Variants in UGGT1 observed in about 807,000 individuals in gnomAD.
UGGT1 encodes the protein UDP-glucose:glycoprotein glucosyltransferase 1.
In UGGT1, 107 loss-of-function variants were observed where a neutral mutation model predicts 203.9. The observed-to-expected ratio is 0.52, with a 90% confidence interval of 0.45 to 0.62. The LOEUF is 0.62. UGGT1 is among the 20% of genes least tolerant of loss of function. The pLI, the probability that UGGT1 is intolerant of heterozygous loss-of-function variation, is 0.00. For missense variants in UGGT1, 1,673 were observed against 1,867.2 expected, an observed-to-expected ratio of 0.90 and a Z score of 1.92; for synonymous variants, 628 against 653.5, an observed-to-expected ratio of 0.96 and a Z score of 0.59.
chr2:128,136,725 C>T (rs367683856), intron 15 of UGGT1, among the ~76,000 whole-genome samples: 8 of 152,132 alleles, frequency 5.3e-5, no homozygotes, highest in Non-Finnish European at 8.8e-5. Flanking sequence ...GGGTAAATAC[C>T]GAGGAGCGTG....
intron 19 of UGGT1, among the ~76,000 whole-genome samples, chr2:128,154,792 C>T (rs1383232637): frequency 6.6e-6 from 1 of 152,188 alleles, no homozygotes; most frequent in East Asian, 1.9e-4. Context: ...GATGAGAAGA[C>T]TGACATTTGT....
chr2:128,129,433 C>T (rs545940651), intron 13 of UGGT1, among the ~76,000 whole-genome samples: 4 of 142,198 alleles, frequency 2.8e-5, no homozygotes, highest in Admixed American at 1.5e-4. Context: ...GAGTCTTGCT[C>T]TGTTGTCCAG....
At chr2:128,126,197 C>T (rs1266208070) in intron 11 of UGGT1, among the ~76,000 whole-genome samples, 1 of 151,422 alleles carries the variant, frequency 6.6e-6, no homozygotes, top group Non-Finnish European at 1.5e-5. Flanking sequence ...CTGCCTTGGC[C>T]TCCCAAAGTG....
At chr2:128,148,668 C>G (rs1573573748) in intron 18 of UGGT1, among the ~76,000 whole-genome samples, 2 of 152,160 alleles carry the variant, frequency 1.3e-5, no homozygotes, top group Non-Finnish European at 2.9e-5. Flanking sequence ...CATTCACGTA[C>G]CCCTGGGCAT....
At chr2:128,091,601 C>G (rs751853094) in intron 1 of UGGT1, 186 bp downstream of exon 1, 7 of 1,436,404 alleles carry the variant, frequency 4.9e-6, no homozygotes, top group Non-Finnish European at 6.4e-6. Context: ...GGCAAGGTAT[C>G]GCTTCCGCGG....
chr2:128,134,357 A>G (rs1689030626), intron 14 of UGGT1, among the ~76,000 whole-genome samples: 1 of 152,190 alleles, frequency 6.6e-6, no homozygotes, highest in African/African-American at 2.4e-5. Context: ...TCTTGAAACC[A>G]CTTCTTTCCT....
At chr2:128,103,329 G>A (rs758833558) in intron 2 of UGGT1, among the ~76,000 whole-genome samples, 7 of 152,070 alleles carry the variant, frequency 4.6e-5, no homozygotes, top group Non-Finnish European at 7.4e-5. Context: ...TATTTTAGTA[G>A]GATAAAGTCG....
At chr2:128,167,460 A>G (rs1352911072) in intron 26 of UGGT1, among the ~76,000 whole-genome samples, 1 of 152,178 alleles carries the variant, frequency 6.6e-6, no homozygotes. Flanking sequence ...TTGCCCTCAA[A>G]GTGTGGTCCA....
Position 128,096,354 on chromosome 2 carries a change from A to G in UGGT1, c.59-1075A>G, listed in dbSNP as rs111317192. Among the ~76,000 whole-genome samples, 432 of 152,354 alleles carry G rather than the reference A, an allele frequency of 2.8e-3. 3 individuals carry two copies. Among genetic ancestry groups the G allele is most frequent in the Non-Finnish European group, 4.6e-3 (312 of 68,032 alleles). ...AGTATCACAAACTGGGTGGCTTAGA[A>G]CAATAGATATTTACTGTCTCACAGT... On this transcript the variant is annotated intron_variant, in intron 1 of 40. Transcript: ENST00000259253.
chr2:128,168,828 C>G (rs1690930157), intron 26 of UGGT1, among the ~76,000 whole-genome samples: 1 of 152,102 alleles, frequency 6.6e-6, no homozygotes, highest in Non-Finnish European at 1.5e-5. Context: ...AGGCAGATCA[C>G]TTGAGGCCAG....
Position 128,143,274 on chromosome 2 carries a change from C to CT in UGGT1, c.1851+51dup, listed in dbSNP as rs1689528678. The CT allele has an allele frequency of 2.6e-6, 4 of 1,551,852 alleles. No homozygotes were observed. In the Admixed American group the frequency reaches 7.7e-5, roughly 30 times the overall value. ...TATTTGATTGCAACATTGTACTGTCCTTAACCCCGTGTTTGGGGGCTTTGG... is the reference window on the plus strand; with the variant it reads ...TATTTGATTGCAACATTGTACTGTCCTTTAACCCCGTGTTTGGGGGCTTTGG... On this transcript the variant is annotated intron_variant, in intron 17 of 40. Transcript: ENST00000259253.
intron 1 of UGGT1, among the ~76,000 whole-genome samples, chr2:128,092,570 A>G (rs1188386592): frequency 6.6e-6 from 1 of 150,652 alleles, no homozygotes; most frequent in Non-Finnish European, 1.5e-5. Flanking sequence ...CCCTGTAACA[A>G]TACAAGATGA....
Position 128,159,650 on chromosome 2 carries a change from C to G in UGGT1, c.2492C>G (p.Thr831Ser). The change falls in exon 23 of 41, where the codon ACC becomes AGC. Residue 831 changes from threonine (T) to serine (S), a missense_variant. This residue lies in a region of UGGT1 where 1,073 missense variants were observed against 1,078.7 expected (regional missense o/e 0.99). Coordinates refer to ENST00000259253, the MANE Select transcript of UGGT1 (RefSeq NM_020120.4). ...TCCAACGCTGCTAAGAACTTCATCA[C>G]CAAAATGGCCAAGGAGGGGGCTGCA... is the stretch of plus-strand genomic sequence containing the variant. ...QTSNAAKNFI[T>S]KMAKEGAAEA... 1 of 1,614,132 alleles carries G rather than the reference C, an allele frequency of 6.2e-7. No individual in the cohort carries two copies. The highest frequency in any genetic ancestry group is 8.5e-7 in the Non-Finnish European group (1 of 1,180,038).
intron 12 of UGGT1, 140 bp downstream of exon 12, chr2:128,127,592 A>T (rs1165357565): frequency 9.5e-6 from 6 of 632,492 alleles, no homozygotes; most frequent in Non-Finnish European, 1.7e-5. Context: ...GGACGTAGGT[A>T]GTAGGCACAT....
intron 18 of UGGT1, among the ~76,000 whole-genome samples, chr2:128,149,073 C>T (rs921358196): frequency 6.6e-6 from 1 of 152,052 alleles, no homozygotes; most frequent in African/African-American, 2.4e-5. Flanking sequence ...GACAGGGTCT[C>T]TCTGTCACCC....
rs762021673 is a variant in UGGT1 at position 128,134,942 on chromosome 2, A to G, written c.1564A>G (p.Ser522Gly). Residue 522 changes from serine to glycine, a missense_variant, in exon 15 of 41, where the codon AGT becomes GGT. Ser to Gly is a moderately conservative substitution (Grantham distance 56). Coordinates refer to ENST00000259253, the MANE Select transcript of UGGT1 (RefSeq NM_020120.4). ...GATGAACACAGCTGAGATGTTCCTT[A>G]GTAATCATATACCACTAAGGTAACA... ...ELMNTAEMFL[S>G]NHIPLRIGFI... is the part of the protein sequence containing the mutation. The G allele has an allele frequency of 3.1e-6, 5 of 1,613,750 alleles. No homozygotes were observed. Among genetic ancestry groups the G allele is most frequent in the South Asian group, 2.2e-5 (2 of 91,082 alleles).
chr2:128,127,283 G>C, intron 11 of UGGT1, 78 bp from the exon 12 acceptor site: 2 of 956,840 alleles, frequency 2.1e-6, no homozygotes, highest in Non-Finnish European at 3.2e-6. Flanking sequence ...ATTTGTACAG[G>C]TAGTGAAGCC....
At chr2:128,160,287 G>GT (rs1178995453) in intron 23 of UGGT1, among the ~76,000 whole-genome samples, 173 bp from the exon 24 acceptor site, 2 of 152,188 alleles carry the variant, frequency 1.3e-5, no homozygotes, top group African/African-American at 4.8e-5. Context: ...GTTACTCTAA[G>GT]TAGTAGGGAG....
At chr2:128,141,664 A>G (rs1039825967) in intron 16 of UGGT1, among the ~76,000 whole-genome samples, 10 of 146,196 alleles carry the variant, frequency 6.8e-5, no homozygotes, top group African/African-American at 2.5e-4. Context: ...AGCCTCCAGA[A>G]TAGCTGGGAT....
Sources: gnomAD v4.1 joint callset for allele counts (sites outside exome capture counted in the v4.1 genomes callset) on GRCh38, gnomAD v4.1.1 for gene constraint, gnomAD v4.1.1 regional missense constraint, MANE v1.5 for transcripts, NCBI Gene and HGNC (gene_info 2026-07-23, HGNC 2026-07-21) for gene names.